IKBKB: variants seen among roughly 807,000 people sequenced by gnomAD.
IKBKB encodes inhibitor of nuclear factor kappa B kinase subunit beta.
In IKBKB, 42 loss-of-function variants were observed where a neutral mutation model predicts 113.6. That is an observed-to-expected ratio of 0.37 (90% CI 0.29 to 0.48). The LOEUF (loss-of-function observed/expected upper bound fraction) is 0.48, where lower values mean the gene tolerates loss of function less well. IKBKB is among the 20% of genes least tolerant of loss of function. The pLI, the probability that IKBKB is intolerant of heterozygous loss-of-function variation, is 0.99. For synonymous variants in IKBKB, 296 were observed against 361.3 expected, an observed-to-expected ratio of 0.82 and a Z score of 2.05; for missense variants, 673 against 939.7, an observed-to-expected ratio of 0.72 and a Z score of 3.71.
At chr8:42,272,518 T>C in intron 2 of IKBKB, 2 of 414,146 alleles carry the variant, frequency 4.8e-6, no homozygotes, top group South Asian at 7.8e-5. Flanking sequence ...ATAAAACATA[T>C]AGAAATAGGA....
Position 42,275,082 on chromosome 8 carries a change from G to C in IKBKB, c.105+2877G>C, listed in dbSNP as rs140735757. Among the ~76,000 whole-genome samples, 33 of 151,986 alleles carry C rather than the reference G, an allele frequency of 2.2e-4. No individual in the cohort carries two copies. In the East Asian group the frequency reaches 6.4e-3, roughly 29 times the overall value. On this transcript the variant is annotated intron_variant, in intron 2 of 21. Coordinates refer to ENST00000520810, the MANE Select transcript of IKBKB (RefSeq NM_001556.3). ...AGTAGAGACAGGGTTTTACCATGTT[G>C]GCCAGTCTGGTCTCAAACTCCTGAC...
At chr8:42,280,206 C>A (rs1810068357) in intron 2 of IKBKB, among the ~76,000 whole-genome samples, 4 of 152,098 alleles carry the variant, frequency 2.6e-5, no homozygotes, top group Admixed American at 1.3e-4. Flanking sequence ...GACAGAGAAC[C>A]CCACATTGAG....
intron 9 of IKBKB, among the ~76,000 whole-genome samples, chr8:42,315,520 C>T (rs1210000198): frequency 6.6e-6 from 1 of 152,036 alleles, no homozygotes; most frequent in African/African-American, 2.4e-5. Flanking sequence ...CTCTGCAGGG[C>T]CAGGGGAAGG....
chr8:42,325,333 G>C, intron 19 of IKBKB: 16 of 985,732 alleles, frequency 1.6e-5, no homozygotes, highest in Non-Finnish European at 1.8e-5. Flanking sequence ...TAGCCTTTGT[G>C]TGTGTGTCTG....
At chr8:42,276,651 G>A (rs1809154774) in intron 2 of IKBKB, among the ~76,000 whole-genome samples, 1 of 149,732 alleles carries the variant, frequency 6.7e-6, no homozygotes, top group Admixed American at 6.7e-5. Flanking sequence ...TACTTTTGAG[G>A]TCTTATCCAT....
At chr8:42,284,852 CTTTTTT>C (rs559953662) in intron 2 of IKBKB, among the ~76,000 whole-genome samples, 9 of 116,096 alleles carry the variant, frequency 7.8e-5, no homozygotes, top group African/African-American at 3.0e-4. Context: ...AAACGTTATT[CTTTTTT>C]TTTTTTTTTT....
chr8:42,330,345 A>G (rs1311467201), intron 21 of IKBKB: 5 of 975,158 alleles, frequency 5.1e-6, no homozygotes. Context: ...TTTAATTTGT[A>G]TTTGTTTAAT....
At chr8:42,297,575 A>G (rs1334322881) in intron 5 of IKBKB, among the ~76,000 whole-genome samples, 2 of 152,202 alleles carry the variant, frequency 1.3e-5, no homozygotes, top group Non-Finnish European at 2.9e-5. Flanking sequence ...AAATTGCCCA[A>G]GAAGAGGCTG....
intron 5 of IKBKB, among the ~76,000 whole-genome samples, chr8:42,301,877 G>T (rs1372631416): frequency 1.3e-5 from 2 of 152,154 alleles, no homozygotes; most frequent in Non-Finnish European, 2.9e-5. Context: ...CCTGGGTTTT[G>T]CCCTGAGATG....
rs751984767 is a variant in IKBKB at position 42,317,713 on chromosome 8, A to T, written c.1182A>T (p.Lys394Asn). ...TTGTTTTTCTCTTTGACAACAGTAAAATCACCTATGAGACTCAGATCTCCC... is the reference window on the plus strand; with the variant it reads ...TTGTTTTTCTCTTTGACAACAGTAATATCACCTATGAGACTCAGATCTCCC... ...MDLVFLFDNS[K>N]ITYETQISPR... Residue 394 changes from lysine (K) to asparagine (N), a missense_variant, in exon 12 of 22, where the codon AAA (lysine) becomes AAT (asparagine). Lys to Asn is a moderately conservative substitution (Grantham distance 94). Coordinates refer to ENST00000520810, the MANE Select transcript of IKBKB (RefSeq NM_001556.3). 8.1e-6 allele frequency: 13 copies of T among 1,614,104 alleles called. No homozygotes were observed. Among genetic ancestry groups the T allele is most frequent in the Non-Finnish European group, 1.1e-5 (13 of 1,179,958 alleles).
intron 4 of IKBKB, among the ~76,000 whole-genome samples, chr8:42,290,877 G>C (rs544872158): frequency 2.0e-5 from 3 of 152,278 alleles, no homozygotes; most frequent in African/African-American, 7.2e-5. Context: ...CTTCTGGTGG[G>C]TGGATGGCAG....
chr8:42,305,395 T>G, intron 6 of IKBKB, 120 bp downstream of exon 6: 1 of 664,042 alleles, frequency 1.5e-6, no homozygotes, highest in Non-Finnish European at 2.7e-6. Flanking sequence ...GTGCTTTGAT[T>G]CTCTGGGAAT....
At chr8:42,296,842 G>A (rs1260250321) in intron 5 of IKBKB, among the ~76,000 whole-genome samples, 2 of 152,158 alleles carry the variant, frequency 1.3e-5, no homozygotes, top group East Asian at 1.9e-4. Flanking sequence ...GGTAAAATGG[G>A]AGCGTTACTC....
At chr8:42,329,271 A>C in intron 21 of IKBKB, 57 bp downstream of exon 21, 1 of 1,514,508 alleles carries the variant, frequency 6.6e-7, no homozygotes, top group Non-Finnish European at 8.8e-7. Context: ...ATGGCAAAAT[A>C]GAAGAGAAAA....
chr8:42,326,711 C>T (rs935197949), intron 20 of IKBKB, among the ~76,000 whole-genome samples: 19 of 152,210 alleles, frequency 1.2e-4, no homozygotes, highest in African/African-American at 4.6e-4. Context: ...CAAGTCTCAT[C>T]TGGGCCAGCA....
intron 7 of IKBKB, among the ~76,000 whole-genome samples, chr8:42,306,766 C>G (rs562886718): frequency 1.3e-3 from 194 of 152,350 alleles, no homozygotes; most frequent in African/African-American, 4.5e-3. Flanking sequence ...ACCTCAGCCT[C>G]CTGAGCAGCT....
chr8:42,301,927 T>C (rs1204924570), intron 5 of IKBKB, among the ~76,000 whole-genome samples: 1 of 152,236 alleles, frequency 6.6e-6, no homozygotes, highest in Non-Finnish European at 1.5e-5. Flanking sequence ...AGTCTGGGCA[T>C]GTGTACTTGC....
At chr8:42,298,615 T>A in intron 5 of IKBKB, 1 of 341,094 alleles carries the variant, frequency 2.9e-6, no homozygotes, top group Non-Finnish European at 4.1e-6. Flanking sequence ...GTAACCAGGT[T>A]AATAAATACA....
intron 5 of IKBKB, among the ~76,000 whole-genome samples, chr8:42,302,902 C>T (rs928861319): frequency 5.3e-5 from 8 of 152,098 alleles, no homozygotes; most frequent in Admixed American, 4.6e-4. Context: ...AATATGTTTT[C>T]AGCAAATGTT....
Sources: gnomAD v4.1 joint callset for allele counts (sites outside exome capture counted in the v4.1 genomes callset) on GRCh38, gnomAD v4.1.1 for gene constraint, MANE v1.5 for transcripts, NCBI Gene and HGNC (gene_info 2026-07-23, HGNC 2026-07-21) for gene names.